Variants in NRXN3 observed in about 807,000 individuals in gnomAD.
NRXN3 encodes the protein neurexin 3, also known as neurexin III.
A neutral mutation model predicts 137.6 loss-of-function variants in NRXN3; 32 were observed. The observed-to-expected ratio is 0.23, with a 90% CI of 0.18 to 0.31. The LOEUF (loss-of-function observed/expected upper bound fraction) is 0.31, where lower values mean the gene tolerates loss of function less well. NRXN3 is among the 10% of genes least tolerant of loss of function. NRXN3 has a pLI of 1.00. For missense variants in NRXN3, 1,574 were observed against 2,062.5 expected (o/e 0.76, Z 4.59); for synonymous variants, 798 against 784.5 (o/e 1.02, Z -0.29).
At chr14:78,523,816 CAAA>C (rs56083130) in intron 4 of NRXN3, among the ~76,000 whole-genome samples, 15 of 61,576 alleles carry the variant, frequency 2.4e-4, no homozygotes, top group South Asian at 2.1e-3. Context: ...GACTCTGTCT[CAAA>C]AAAAAAAAAA....
chr14:79,560,006 G>T (rs905339402), intron 16 of NRXN3, among the ~76,000 whole-genome samples: 1 of 151,652 alleles, frequency 6.6e-6, no homozygotes, highest in South Asian at 2.1e-4. Context: ...TGAGTAAAAA[G>T]AATTCAAAAT....
At chr14:78,955,505 TA>T (rs2099395327) in intron 10 of NRXN3, among the ~76,000 whole-genome samples, 2 of 152,350 alleles carry the variant, frequency 1.3e-5, no homozygotes, top group South Asian at 4.1e-4. Context: ...ATTGTAGAAT[TA>T]CTTTATTCCT....
intron 3 of NRXN3, among the ~76,000 whole-genome samples, chr14:78,293,749 C>G (rs1473167581): frequency 6.6e-6 from 1 of 152,194 alleles, no homozygotes; most frequent in Non-Finnish European, 1.5e-5. Context: ...ATGACAAGAT[C>G]AAGTCCACTT....
chr14:79,293,385 A>G (rs1248037382), intron 15 of NRXN3, among the ~76,000 whole-genome samples: 1 of 152,224 alleles, frequency 6.6e-6, no homozygotes, highest in African/African-American at 2.4e-5. Context: ...GAAACCTGCA[A>G]GAGGTCTTTA....
chr14:78,528,553 G>A (rs1014488462), intron 4 of NRXN3, among the ~76,000 whole-genome samples: 1 of 152,144 alleles, frequency 6.6e-6, no homozygotes, highest in African/African-American at 2.4e-5. Flanking sequence ...ACAGAGCCAA[G>A]CATGTATAAT....
At chr14:79,683,864 C>T (rs540042963) in intron 17 of NRXN3, among the ~76,000 whole-genome samples, 2 of 152,174 alleles carry the variant, frequency 1.3e-5, no homozygotes, top group East Asian at 3.9e-4. Context: ...ATGAGTGGTC[C>T]GAGAGAGAGC....
intron 15 of NRXN3, among the ~76,000 whole-genome samples, chr14:79,430,600 A>T (rs2095736093): frequency 1.3e-5 from 2 of 152,156 alleles, no homozygotes; most frequent in Non-Finnish European, 2.9e-5. Context: ...ACTTTTAAAA[A>T]ATCTCTATTC....
intron 15 of NRXN3, among the ~76,000 whole-genome samples, chr14:79,256,172 G>GTCTC (rs111298626): frequency 5.7e-4 from 83 of 145,396 alleles, no homozygotes; most frequent in African/African-American, 1.4e-3. Context: ...CTCTCTCTCT[G>GTCTC]TCTCTCTCTC....
intron 10 of NRXN3, among the ~76,000 whole-genome samples, chr14:78,828,452 G>C (rs574105726): frequency 6.6e-6 from 1 of 152,286 alleles, no homozygotes; most frequent in East Asian, 1.9e-4. Flanking sequence ...TAAATATTTA[G>C]ATTTAAAAGC....
intron 17 of NRXN3, among the ~76,000 whole-genome samples, chr14:79,665,375 A>G (rs1022795460): frequency 6.6e-6 from 1 of 152,168 alleles, no homozygotes; most frequent in Non-Finnish European, 1.5e-5. Flanking sequence ...TTATGAGGTT[A>G]TCTTTGAGTA....
chr14:79,812,887 C>G (rs1218554459), intron 20 of NRXN3, among the ~76,000 whole-genome samples: 5 of 151,952 alleles, frequency 3.3e-5, no homozygotes, highest in Non-Finnish European at 7.4e-5. Flanking sequence ...AGCAAGTCCC[C>G]CAAAAATAAA....
chr14:79,727,309 G>A (rs910187642), intron 19 of NRXN3, among the ~76,000 whole-genome samples: 7 of 152,158 alleles, frequency 4.6e-5, no homozygotes, highest in South Asian at 2.1e-4. Context: ...GCCCAATCAT[G>A]TATGAGTAGC....
intron 19 of NRXN3, among the ~76,000 whole-genome samples, chr14:79,703,688 TTGAGA>T (rs1211915399): frequency 6.6e-6 from 1 of 151,808 alleles, no homozygotes; most frequent in Non-Finnish European, 1.5e-5. Context: ...GGATTATAAT[TTGAGA>T]TGAGATTTGC....
Position 79,831,739 on chromosome 14 carries a change from C to T in NRXN3, c.4093+26549C>T, listed in dbSNP as rs1170226270. Among the ~76,000 whole-genome samples, 7 of 152,130 alleles carry T rather than the reference C, an allele frequency of 4.6e-5. No individual in the cohort carries two copies. The East Asian group carries it at 1.4e-3, about 29-fold the overall frequency. Reference sequence around the variant, plus strand: ...CAACATTCCACTGCAACAGCTAATACAGTGTTTTGGAAAGATGCCGACAAC... The same window carrying T: ...CAACATTCCACTGCAACAGCTAATATAGTGTTTTGGAAAGATGCCGACAAC... On this transcript the variant is annotated intron_variant, in intron 20 of 20. Coordinates refer to ENST00000335750, the MANE Select transcript of NRXN3 (RefSeq NM_001330195.2).
chr14:78,926,229 TA>T (rs2099290090), intron 10 of NRXN3, among the ~76,000 whole-genome samples: 1 of 152,038 alleles, frequency 6.6e-6, no homozygotes, highest in Non-Finnish European at 1.5e-5. Context: ...TTTTCCTACA[TA>T]TACCTATGAT....
rs1568003782 is a variant in NRXN3, at chr14:79,018,294, AAAG to A, written c.3262+30155_3262+30157del. ...AAAAAAAAAAAAAAAAAAAAAAAAAAAAGAGAGAGAGCAAGAAGAGTGAAAGTT... is the reference window on the plus strand; with the variant it reads ...AAAAAAAAAAAAAAAAAAAAAAAAAAAGAGAGAGCAAGAAGAGTGAAAGTT... On this transcript the variant is annotated intron_variant, in intron 15 of 20. Coordinates refer to ENST00000335750, the MANE Select transcript of NRXN3 (RefSeq NM_001330195.2). 5.7e-4 allele frequency among the ~76,000 whole-genome samples: 9 copies of A among 15,910 alleles called. 3 individuals are homozygous for A. The highest frequency in any genetic ancestry group is 1.8e-3 in the Non-Finnish European group (5 of 2,726). The allele number at this position is 15,910 out of a possible 152,430, so 10.4% of individuals were successfully genotyped here.
At chr14:78,704,946 T>C (rs918164275) in intron 6 of NRXN3, among the ~76,000 whole-genome samples, 1 of 152,200 alleles carries the variant, frequency 6.6e-6, no homozygotes, top group African/African-American at 2.4e-5. Flanking sequence ...TAAGTATATT[T>C]TTTTCCTGAG....
intron 20 of NRXN3, among the ~76,000 whole-genome samples, chr14:79,823,743 T>G (rs1449698972): frequency 1.3e-5 from 2 of 152,176 alleles, no homozygotes; most frequent in Non-Finnish European, 2.9e-5. Context: ...GACCCGTAAT[T>G]TTTTAAAAAT....
At chr14:79,349,299 T>TA (rs143489401) in intron 15 of NRXN3, among the ~76,000 whole-genome samples, 3,546 of 151,636 alleles carry the variant, frequency 0.023, 132 homozygotes, top group African/African-American at 0.081. Flanking sequence ...CCGGAATCTT[T>TA]AAAAAAAATC....
Sources: allele counts gnomAD v4.1 joint callset (sites outside exome capture counted in the v4.1 genomes callset), GRCh38; gene constraint gnomAD v4.1.1; transcripts MANE v1.5; gene names NCBI Gene and HGNC (gene_info 2026-07-23, HGNC 2026-07-21).